LDLRAD4: variants seen among roughly 807,000 people sequenced by gnomAD.
The protein encoded by LDLRAD4 is low density lipoprotein receptor class A domain containing 4.
A neutral mutation model predicts 17.0 loss-of-function variants in LDLRAD4; 5 were observed. The ratio of observed to expected loss-of-function variants is 0.29; its 90% CI spans 0.15 to 0.62. LDLRAD4 has a LOEUF of 0.62. LDLRAD4 is among the 20% of genes least tolerant of loss of function. The pLI is 0.84. For synonymous variants in LDLRAD4, 168 were observed against 171.8 expected (o/e 0.98, Z 0.17); for missense variants, 340 against 424.7 (o/e 0.80, Z 1.75).
intron 3 of LDLRAD4, among the ~76,000 whole-genome samples, chr18:13,535,665 G>T (rs2094192510): frequency 6.6e-6 from 1 of 152,104 alleles, no homozygotes; most frequent in East Asian, 1.9e-4. Context: ...TTTGTATGAG[G>T]TCCATTTCAT....
chr18:13,632,517 G>C (rs1343967491), intron 4 of LDLRAD4, among the ~76,000 whole-genome samples: 1 of 152,190 alleles, frequency 6.6e-6, no homozygotes, highest in African/African-American at 2.4e-5. Flanking sequence ...TCTGGATGAG[G>C]GGAATGTGAT....
chr18:13,418,238 C>T (rs536541751), intron 2 of LDLRAD4, among the ~76,000 whole-genome samples: 56 of 152,324 alleles, frequency 3.7e-4, no homozygotes, highest in African/African-American at 1.3e-3. Context: ...CTCTGTACCC[C>T]CTCCACCTGG....
intron 3 of LDLRAD4, chr18:13,620,894 A>G: frequency 1.7e-6 from 1 of 605,722 alleles, no homozygotes; most frequent in Non-Finnish European, 2.9e-6. Context: ...GGGGGATGGC[A>G]GAGGCTTCCC....
Position 13,450,337 on chromosome 18 carries a change from C to CACCCA in LDLRAD4, c.181+11954_181+11955insCCCAA, listed in dbSNP as rs1555691872. The stretch of plus-strand genomic sequence containing the variant: ...GCTTCTCTCCCCCCACCCCCCCCCC[C>CACCCA]AAAAAAACACACAAGATCCCAAGAC... On this transcript the variant is annotated intron_variant, in intron 3 of 5. Coordinates refer to ENST00000359446, the Ensembl canonical transcript of LDLRAD4. Among the ~76,000 whole-genome samples, 367 of 115,596 alleles carry CACCCA rather than the reference C, an allele frequency of 3.2e-3. 10 individuals are homozygous for CACCCA. Among genetic ancestry groups the CACCCA allele is most frequent in the African/African-American group, 0.011 (340 of 30,752 alleles). The allele number at this position is 115,596 out of a possible 152,430, so 75.8% of individuals were successfully genotyped here.
chr18:13,369,749 C>G (rs2084322777), intron 1 of LDLRAD4, among the ~76,000 whole-genome samples: 1 of 152,172 alleles, frequency 6.6e-6, no homozygotes, highest in African/African-American at 2.4e-5. Context: ...GAACTTCATG[C>G]TCTTTAGATA....
At chr18:13,578,827 C>CATCTTTTTTTT (rs2094812670) in intron 3 of LDLRAD4, among the ~76,000 whole-genome samples, 1 of 65,676 alleles carries the variant, frequency 1.5e-5, no homozygotes, top group African/African-American at 6.2e-5. Flanking sequence ...TTGTCCGGGT[C>CATCTTTTTTTT]TTTTTTTTTT....
chr18:13,442,104 T>C (rs993248141), intron 3 of LDLRAD4, among the ~76,000 whole-genome samples: 1 of 152,242 alleles, frequency 6.6e-6, no homozygotes, highest in African/African-American at 2.4e-5. Flanking sequence ...CACAATTATT[T>C]GTTATTTACA....
At chr18:13,222,670 G>C (rs1313975981) in intron 1 of LDLRAD4, among the ~76,000 whole-genome samples, 1 of 152,222 alleles carries the variant, frequency 6.6e-6, no homozygotes, top group Admixed American at 6.5e-5. Context: ...GAAATGAAAA[G>C]GGTGTGCCTT....
intron 3 of LDLRAD4, among the ~76,000 whole-genome samples, chr18:13,547,789 G>T (rs2094386123): frequency 6.6e-6 from 1 of 152,192 alleles, no homozygotes; most frequent in South Asian, 2.1e-4. Flanking sequence ...GGCTCAGGGA[G>T]CTCCTCCTAT....
intron 1 of LDLRAD4, among the ~76,000 whole-genome samples, chr18:13,346,233 TCTACACACTG>T (rs1568032003): frequency 6.6e-6 from 1 of 152,238 alleles, no homozygotes; most frequent in Non-Finnish European, 1.5e-5. Context: ...TAAGTTTCCC[TCTACACACTG>T]CTTTGAATGT....
At chr18:13,374,947 G>A (rs2144943332) in intron 1 of LDLRAD4, among the ~76,000 whole-genome samples, 2 of 152,312 alleles carry the variant, frequency 1.3e-5, no homozygotes, top group South Asian at 4.1e-4. Context: ...GAGATTTGCA[G>A]GCGTCTAGCC....
chr18:13,455,574 G>C (rs923436819), intron 3 of LDLRAD4, among the ~76,000 whole-genome samples: 4 of 152,158 alleles, frequency 2.6e-5, no homozygotes, highest in African/African-American at 7.2e-5. Context: ...CGGCTCTGAG[G>C]GTGGGTCGTC....
At chr18:13,271,103 A>G (rs557093611) in intron 1 of LDLRAD4, among the ~76,000 whole-genome samples, 16 of 152,352 alleles carry the variant, frequency 1.1e-4, no homozygotes, top group African/African-American at 3.1e-4. Flanking sequence ...CTAAACAACA[A>G]CTAAACACAT....
At chr18:13,644,819 G>A (rs778881565) in intron 5 of LDLRAD4, 1 of 342,096 alleles carries the variant, frequency 2.9e-6, no homozygotes, top group African/African-American at 2.1e-5. Flanking sequence ...TGTTTCCAAG[G>A]GGAAAATGCA....
At chr18:13,510,738 T>C (rs141097001) in intron 3 of LDLRAD4, among the ~76,000 whole-genome samples, 64 of 152,336 alleles carry the variant, frequency 4.2e-4, no homozygotes, top group African/African-American at 1.5e-3. Context: ...TGGTGCAGAA[T>C]GACAGTGTCA....
At chr18:13,591,720 C>G (rs2095032094) in intron 3 of LDLRAD4, among the ~76,000 whole-genome samples, 1 of 152,144 alleles carries the variant, frequency 6.6e-6, no homozygotes, top group African/African-American at 2.4e-5. Flanking sequence ...AATCACTGCT[C>G]TGAACAATAT....
At chr18:13,473,652 T>TAC (rs2092844614) in intron 3 of LDLRAD4, among the ~76,000 whole-genome samples, 1 of 95,174 alleles carries the variant, frequency 1.1e-5, no homozygotes. Flanking sequence ...TATATATATA[T>TAC]ATATATATAT....
intron 4 of LDLRAD4, among the ~76,000 whole-genome samples, chr18:13,625,814 T>TC (rs1205845313): frequency 1.9e-4 from 16 of 83,924 alleles, no homozygotes; most frequent in African/African-American, 7.7e-4. Context: ...GGCGCCCTCC[T>TC]CCCCCCGCCA....
chr18:13,572,792 G>A (rs1248839486), intron 3 of LDLRAD4, among the ~76,000 whole-genome samples: 3 of 152,194 alleles, frequency 2.0e-5, no homozygotes, highest in Non-Finnish European at 4.4e-5. Flanking sequence ...TCATTTTTAC[G>A]GGGGTTCCTC....
Sources: gnomAD v4.1 joint callset for allele counts (sites outside exome capture counted in the v4.1 genomes callset) on GRCh38, gnomAD v4.1.1 for gene constraint, MANE v1.5 for transcripts, NCBI Gene and HGNC (gene_info 2026-07-23, HGNC 2026-07-21) for gene names.